Variants in CNTN4 observed in about 807,000 individuals in gnomAD.
CNTN4 encodes the protein contactin-4.
CNTN4 carries 77 observed loss-of-function variants against 122.5 expected under a neutral mutation model. The observed-to-expected ratio is 0.63, with a 90% CI of 0.52 to 0.76. CNTN4 has a LOEUF of 0.76. Ranked by LOEUF, CNTN4 falls within the 30% of genes least tolerant of loss-of-function variation. The pLI, the probability that CNTN4 is intolerant of heterozygous loss-of-function variation, is 0.00. For missense variants in CNTN4, 1,256 were observed against 1,259.1 expected (o/e 1.00, Z 0.04); for synonymous variants, 512 against 447.0 (o/e 1.15, Z -1.83).
intron 24 of CNTN4, among the ~76,000 whole-genome samples, chr3:3,055,070 G>C (rs1308463428): frequency 6.6e-6 from 1 of 152,202 alleles, no homozygotes; most frequent in Non-Finnish European, 1.5e-5. Flanking sequence ...TGATATGCCA[G>C]TGTTTCTGGA....
At chr3:2,785,507 T>A (rs2091776103) in intron 6 of CNTN4, among the ~76,000 whole-genome samples, 1 of 152,174 alleles carries the variant, frequency 6.6e-6, no homozygotes, top group African/African-American at 2.4e-5. Context: ...GGAAGCACCA[T>A]TACAACACAT....
rs546682200 is a variant in CNTN4, at chr3:2,158,725, G to A, written c.-145+58086G>A. ...AAAAAGTCCAGAAAACATGCAGCACGCACTGCTGGTGAGCATTAACTCACT... is the reference window on the plus strand; with the variant it reads ...AAAAAGTCCAGAAAACATGCAGCACACACTGCTGGTGAGCATTAACTCACT... On this transcript the variant is annotated intron_variant, in intron 2 of 24. Transcript: ENST00000418658. Among the ~76,000 whole-genome samples the A allele has an allele frequency of 9.2e-5, 14 of 152,286 alleles. No homozygotes were observed. The South Asian group carries it at 1.5e-3, about 16-fold the overall frequency.
At chr3:2,667,362 T>C (rs1385844986) in intron 4 of CNTN4, among the ~76,000 whole-genome samples, 2 of 152,222 alleles carry the variant, frequency 1.3e-5, no homozygotes, top group Non-Finnish European at 2.9e-5. Context: ...CATTTTTTCA[T>C]GTGTCTTTTG....
intron 4 of CNTN4, among the ~76,000 whole-genome samples, chr3:2,724,680 T>G (rs944990392): frequency 6.6e-6 from 1 of 152,186 alleles, no homozygotes; most frequent in African/African-American, 2.4e-5. Context: ...GCGGTGCATA[T>G]AACATGAAAG....
At chr3:2,851,857 G>A (rs1327845527) in intron 7 of CNTN4, among the ~76,000 whole-genome samples, 4 of 152,052 alleles carry the variant, frequency 2.6e-5, no homozygotes, top group Non-Finnish European at 2.9e-5. Context: ...AAAAGAAGAA[G>A]AAAAAATAAT....
intron 18 of CNTN4, among the ~76,000 whole-genome samples, chr3:3,038,451 C>A (rs1574894972): frequency 6.6e-6 from 1 of 152,282 alleles, no homozygotes; most frequent in East Asian, 1.9e-4. Context: ...CGGAACGCCC[C>A]CCGCTTCTCC....
chr3:2,569,067 C>G (rs1276013953), intron 3 of CNTN4, among the ~76,000 whole-genome samples: 2 of 152,182 alleles, frequency 1.3e-5, no homozygotes, highest in Non-Finnish European at 2.9e-5. Context: ...GGCCTAATCA[C>G]CATGCATGTC....
At chr3:2,381,061 A>G (rs1343199447) in intron 3 of CNTN4, among the ~76,000 whole-genome samples, 2 of 150,862 alleles carry the variant, frequency 1.3e-5, no homozygotes, top group African/African-American at 4.9e-5. Context: ...GCTGGAGTGC[A>G]GTGGCACAAT....
intron 13 of CNTN4, among the ~76,000 whole-genome samples, chr3:2,961,098 T>TGC (rs2094851127): frequency 8.3e-6 from 1 of 120,386 alleles, no homozygotes; most frequent in African/African-American, 2.9e-5. Context: ...GGCGTGGTGA[T>TGC]GGGCGCCTGT....
At chr3:2,322,337 T>G (rs2043301778) in intron 2 of CNTN4, among the ~76,000 whole-genome samples, 1 of 152,124 alleles carries the variant, frequency 6.6e-6, no homozygotes, top group Admixed American at 6.5e-5. Flanking sequence ...GGTGTAAACA[T>G]AGGACGGAAT....
At chr3:2,496,880 T>G (rs993842697) in intron 3 of CNTN4, among the ~76,000 whole-genome samples, 1 of 152,156 alleles carries the variant, frequency 6.6e-6, no homozygotes, top group African/African-American at 2.4e-5. Flanking sequence ...GCCTAAGAAC[T>G]GGGGACTTCT....
At chr3:2,235,750 C>A (rs548762583) in intron 2 of CNTN4, among the ~76,000 whole-genome samples, 1 of 152,028 alleles carries the variant, frequency 6.6e-6, no homozygotes, top group African/African-American at 2.4e-5. Flanking sequence ...TATTCTTGGG[C>A]TAATTCATTT....
intron 2 of CNTN4, among the ~76,000 whole-genome samples, chr3:2,145,503 G>A (rs67599676): frequency 0.034 from 5,174 of 152,230 alleles, 283 homozygotes; most frequent in East Asian, 0.24. Context: ...AGGTGAGATC[G>A]AGCTTTTAAT....
intron 6 of CNTN4, among the ~76,000 whole-genome samples, chr3:2,763,696 A>C (rs902312560): frequency 5.3e-5 from 8 of 152,202 alleles, no homozygotes; most frequent in Admixed American, 3.3e-4. Flanking sequence ...AATATTCTGC[A>C]TATGGCTAGC....
chr3:2,601,127 A>G lies in CNTN4; in HGVS notation c.55+29569A>G, dbSNP rs574428811. 1.9e-4 allele frequency among the ~76,000 whole-genome samples: 29 copies of G among 152,252 alleles called. No homozygotes were observed. The South Asian group carries it at 3.9e-3, about 21-fold the overall frequency. ...CCCTTTGTCAGATGAGTAGATTGCAAAAATTTTCTCCCATTCTGTAGGTTG... is the reference window on the plus strand; with the variant it reads ...CCCTTTGTCAGATGAGTAGATTGCAGAAATTTTCTCCCATTCTGTAGGTTG... On this transcript the variant is annotated intron_variant, in intron 4 of 24. Transcript: ENST00000418658.
Position 2,900,673 on chromosome 3 carries a change from G to A in CNTN4, c.941-12G>A. On this transcript the variant is annotated splice_polypyrimidine_tract_variant and intron_variant, in intron 10 of 24. Coordinates refer to ENST00000418658, the MANE Select transcript of CNTN4 (RefSeq NM_175607.3). ...GAATATACACCTTTCTTTGCTTTTT[G>A]GATGCCTATAGCTCAACCTAATTGG... is the stretch of plus-strand genomic sequence containing the variant. 1 of 1,613,094 alleles carries A rather than the reference G, an allele frequency of 6.2e-7. No individual in the cohort carries two copies. The highest frequency in any genetic ancestry group is 8.5e-7 in the Non-Finnish European group (1 of 1,179,260).
chr3:2,326,941 A>G (rs996195643), intron 2 of CNTN4, among the ~76,000 whole-genome samples: 1 of 152,170 alleles, frequency 6.6e-6, no homozygotes, highest in African/African-American at 2.4e-5. Context: ...TTTTCTACCT[A>G]TAAAGCTTCC....
chr3:2,708,936 C>T (rs753807486), intron 4 of CNTN4, among the ~76,000 whole-genome samples: 10 of 152,162 alleles, frequency 6.6e-5, no homozygotes, highest in African/African-American at 2.4e-4. Flanking sequence ...TATACCCAAT[C>T]ATGTATGGAT....
chr3:2,525,969 G>C (rs1048860559), intron 3 of CNTN4, among the ~76,000 whole-genome samples: 2 of 152,088 alleles, frequency 1.3e-5, no homozygotes, highest in South Asian at 2.1e-4. Flanking sequence ...TCTTAACAAG[G>C]TAGGTTTCTT....
Sources: allele counts gnomAD v4.1 joint callset (sites outside exome capture counted in the v4.1 genomes callset), GRCh38; gene constraint gnomAD v4.1.1; transcripts MANE v1.5; gene names NCBI Gene and HGNC (gene_info 2026-07-23, HGNC 2026-07-21).